Variants in PDE1A observed in about 807,000 individuals in gnomAD.
PDE1A encodes phosphodiesterase 1A.
Under a neutral mutation model 61.7 loss-of-function variants are expected in PDE1A, and 35 were observed. The observed-to-expected ratio is 0.57, with a 90% CI of 0.43 to 0.75. PDE1A has a LOEUF of 0.75. Ranked by LOEUF, PDE1A falls within the 30% of genes least tolerant of loss-of-function variation. The pLI is 0.00. For synonymous variants in PDE1A, 232 were observed against 213.2 expected, an observed-to-expected ratio of 1.09 and a Z score of -0.77; for missense variants, 597 against 630.6, an observed-to-expected ratio of 0.95 and a Z score of 0.57.
chr2:182,501,803 A>G (rs1466140236), intron 2 of PDE1A, among the ~76,000 whole-genome samples: 1 of 152,032 alleles, frequency 6.6e-6, no homozygotes, highest in Non-Finnish European at 1.5e-5. Context: ...CTTAGATCTC[A>G]TGGTCAATCT....
At chr2:182,364,325 C>T (rs1475223011) in intron 1 of PDE1A, among the ~76,000 whole-genome samples, 1 of 151,614 alleles carries the variant, frequency 6.6e-6, no homozygotes, top group African/African-American at 2.4e-5. Context: ...GTGTTAATTT[C>T]ATATCTTCTC....
intron 1 of PDE1A, chr2:182,522,443 A>C: frequency 1.2e-6 from 2 of 1,607,186 alleles, no homozygotes; most frequent in Admixed American, 1.7e-5. Flanking sequence ...TCCTCAGTCC[A>C]TTACAAATCT....
chr2:182,471,829 C>T (rs1232195250), intron 2 of PDE1A, among the ~76,000 whole-genome samples: 1 of 151,602 alleles, frequency 6.6e-6, no homozygotes, highest in African/African-American at 2.4e-5. Context: ...CAAAAGGGGA[C>T]AGAATGTATA....
intron 2 of PDE1A, among the ~76,000 whole-genome samples, chr2:182,432,321 C>T (rs1019793006): frequency 5.9e-5 from 9 of 152,116 alleles, no homozygotes; most frequent in Admixed American, 5.9e-4. Flanking sequence ...GTCATGCATA[C>T]CACCAGAATA....
chr2:182,219,724 C>T (rs1200585250), intron 7 of PDE1A, among the ~76,000 whole-genome samples: 1 of 151,966 alleles, frequency 6.6e-6, no homozygotes, highest in East Asian at 1.9e-4. Flanking sequence ...AGCACTGGCC[C>T]TGCCACTGAA....
the PDE1A span, among the ~76,000 whole-genome samples, chr2:182,663,973 A>C: frequency 6.6e-6 from 1 of 152,148 alleles, no homozygotes; most frequent in Admixed American, 6.5e-5. Flanking sequence ...CTTATCTGAA[A>C]CCCTTTTATA....
chr2:182,336,269 T>C (rs1697802773), intron 1 of PDE1A, among the ~76,000 whole-genome samples: 1 of 152,148 alleles, frequency 6.6e-6, no homozygotes, highest in Non-Finnish European at 1.5e-5. Context: ...CTTTACTGGG[T>C]ATATACCCAA....
At chr2:182,233,702 G>A (rs748497968) in intron 4 of PDE1A, among the ~76,000 whole-genome samples, 10 of 151,620 alleles carry the variant, frequency 6.6e-5, no homozygotes, top group South Asian at 4.2e-4. Flanking sequence ...TTAGGCAATC[G>A]AAACAAGTTT....
chr2:182,399,053 G>A (rs1001405929), intron 1 of PDE1A, among the ~76,000 whole-genome samples: 10 of 151,828 alleles, frequency 6.6e-5, no homozygotes, highest in Non-Finnish European at 1.2e-4. Flanking sequence ...AGGATGAAGT[G>A]GGCTGAAACT....
At chr2:182,455,148 A>T (rs1306811205) in intron 2 of PDE1A, among the ~76,000 whole-genome samples, 1 of 152,092 alleles carries the variant, frequency 6.6e-6, no homozygotes, top group Non-Finnish European at 1.5e-5. Context: ...CAAAAAACAC[A>T]TGAAAAAATG....
chr2:182,285,397 C>A (rs59800557), intron 1 of PDE1A, among the ~76,000 whole-genome samples: 1 of 151,890 alleles, frequency 6.6e-6, no homozygotes, highest in East Asian at 1.9e-4. Context: ...CTTATTTGTA[C>A]CAAATTTGCT....
chr2:182,317,560 A>C (rs922981931), intron 1 of PDE1A, among the ~76,000 whole-genome samples: 2 of 152,174 alleles, frequency 1.3e-5, no homozygotes, highest in African/African-American at 4.8e-5. Flanking sequence ...AGAGGCATAC[A>C]TAACAATGAG....
intron 2 of PDE1A, among the ~76,000 whole-genome samples, chr2:182,493,012 G>C (rs1428087233): frequency 6.6e-6 from 1 of 151,370 alleles, no homozygotes; most frequent in Non-Finnish European, 1.5e-5. Context: ...GGACCAGCAG[G>C]CTTTTCAACC....
At chr2:182,614,977 A>G in the PDE1A span, among the ~76,000 whole-genome samples, 1 of 152,246 alleles carries the variant, frequency 6.6e-6, no homozygotes, top group Non-Finnish European at 1.5e-5. Context: ...TAGTTTTAAT[A>G]TTGATGATAC....
chr2:182,412,935 G>T (rs1702702412), intron 1 of PDE1A, among the ~76,000 whole-genome samples: 1 of 152,112 alleles, frequency 6.6e-6, no homozygotes, highest in African/African-American at 2.4e-5. Context: ...AGCTTATTTT[G>T]GTTGGAACAA....
chr2:182,323,202 A>T (rs1348722030), intron 1 of PDE1A, among the ~76,000 whole-genome samples: 1 of 152,116 alleles, frequency 6.6e-6, no homozygotes, highest in Non-Finnish European at 1.5e-5. Context: ...ACATATATAT[A>T]AAGGACAGAA....
chr2:182,466,552 A>T (rs1307323863), intron 2 of PDE1A, among the ~76,000 whole-genome samples: 1 of 152,034 alleles, frequency 6.6e-6, no homozygotes, highest in African/African-American at 2.4e-5. Context: ...ATAGTAAACC[A>T]TCTCACCTGG....
rs895128071 is a variant in PDE1A at position 182,256,583 on chromosome 2, T to A, written c.167+7718A>T. On this transcript the variant is annotated intron_variant, in intron 2 of 13. Coordinates refer to ENST00000351439, the Ensembl canonical transcript of PDE1A. The stretch of plus-strand genomic sequence containing the variant: ...CACACGTATGTTTATTGTGGCATTA[T>A]TCACAATAGCAAAGACTTGGAACCA... 1.7e-3 allele frequency among the ~76,000 whole-genome samples: 259 copies of A among 152,142 alleles called. 1 individual carries two copies. Among genetic ancestry groups the A allele is most frequent in the Admixed American group, 5.4e-3 (83 of 15,292 alleles).
At chr2:182,405,215 C>T (rs1329570130) in intron 1 of PDE1A, among the ~76,000 whole-genome samples, 1 of 152,150 alleles carries the variant, frequency 6.6e-6, no homozygotes, top group Non-Finnish European at 1.5e-5. Flanking sequence ...ATATATGACT[C>T]AGTGGCAAAG....
Sources: allele counts gnomAD v4.1 joint callset (sites outside exome capture counted in the v4.1 genomes callset), GRCh38; gene constraint gnomAD v4.1.1; transcripts MANE v1.5; gene names NCBI Gene and HGNC (gene_info 2026-07-23, HGNC 2026-07-21).